The following ABL2 variants were observed in gnomAD, a reference collection of about 807,000 sequenced individuals.
ABL2 encodes the protein ABL proto-oncogene 2, non-receptor tyrosine kinase, also known as tyrosine-protein kinase ABL2.
Under a neutral mutation model 107.7 loss-of-function variants are expected in ABL2, and 49 were observed. That is an observed-to-expected ratio of 0.45 (90% confidence interval 0.36 to 0.58). The LOEUF is 0.58. Among genes scored for constraint, ABL2 ranks in the 20% least tolerant of loss-of-function variants. The pLI is 0.00. For missense variants in ABL2, 1,245 were observed against 1,457.0 expected, an observed-to-expected ratio of 0.85 and a Z score of 2.37; for synonymous variants, 549 against 548.6, an observed-to-expected ratio of 1.00 and a Z score of -0.01.
At chr1:179,144,453 C>T (rs892731506) in intron 1 of ABL2, among the ~76,000 whole-genome samples, 1 of 151,930 alleles carries the variant, frequency 6.6e-6, no homozygotes, top group African/African-American at 2.4e-5. Context: ...GAGCGAGACT[C>T]CATCTCAAAA....
intron 5 of ABL2, 48 bp downstream of exon 5, chr1:179,121,547 A>G: frequency 6.3e-7 from 1 of 1,582,964 alleles, no homozygotes; most frequent in Non-Finnish European, 8.6e-7. Flanking sequence ...CAAGTGATTG[A>G]GCACAAAAGA....
At chr1:179,215,472 G>A (rs1002174611) in intron 1 of ABL2, among the ~76,000 whole-genome samples, 1 of 152,036 alleles carries the variant, frequency 6.6e-6, no homozygotes, top group African/African-American at 2.4e-5. Context: ...TGTGGCTCAC[G>A]CCTGTAATCC....
chr1:179,155,365 C>T (rs1658619917), intron 1 of ABL2, among the ~76,000 whole-genome samples: 1 of 152,224 alleles, frequency 6.6e-6, no homozygotes, highest in Admixed American at 6.5e-5. Flanking sequence ...CTGCCATTTA[C>T]TCCCAGCAAC....
chr1:179,117,178 T>TG (rs1654727319), intron 8 of ABL2, 154 bp downstream of exon 8: 24 of 767,018 alleles, frequency 3.1e-5, no homozygotes, highest in Non-Finnish European at 4.8e-5. Context: ...TCCTGGCAGA[T>TG]AGGAGGTATT....
intron 2 of ABL2, among the ~76,000 whole-genome samples, chr1:179,132,751 A>G (rs1656465417): frequency 6.6e-6 from 1 of 151,824 alleles, no homozygotes; most frequent in African/African-American, 2.4e-5. Flanking sequence ...CATGTTGGCC[A>G]GGTTGGTCTT....
chr1:179,213,234 G>C (rs1190495349), intron 1 of ABL2, among the ~76,000 whole-genome samples: 2 of 151,576 alleles, frequency 1.3e-5, no homozygotes, highest in African/African-American at 2.4e-5. Flanking sequence ...TTTCCATACT[G>C]AGTTTTGAAA....
chr1:179,145,660 T>G (rs1657933871), intron 1 of ABL2, among the ~76,000 whole-genome samples: 1 of 152,166 alleles, frequency 6.6e-6, no homozygotes. Context: ...GGGGGCATTC[T>G]GAGTAGACAA....
intron 1 of ABL2, among the ~76,000 whole-genome samples, chr1:179,174,955 C>T (rs996566431): frequency 2.0e-5 from 3 of 148,164 alleles, no homozygotes; most frequent in Non-Finnish European, 4.5e-5. Context: ...TCTATTGGTT[C>T]TAAGCAAAAA....
intron 1 of ABL2, among the ~76,000 whole-genome samples, chr1:179,208,155 T>C (rs1304805435): frequency 1.3e-5 from 2 of 152,168 alleles, no homozygotes; most frequent in Non-Finnish European, 1.5e-5. Flanking sequence ...GTTATATATA[T>C]ATTTTTTCAA....
chr1:179,118,800 G>A (rs1654902107), intron 6 of ABL2, 36 bp from the exon 7 acceptor site: 2 of 1,601,664 alleles, frequency 1.2e-6, no homozygotes, highest in African/African-American at 1.3e-5. Context: ...TTTTATTAGT[G>A]TACATTCAAA....
intron 1 of ABL2, among the ~76,000 whole-genome samples, chr1:179,203,149 C>T (rs906754985): frequency 1.3e-5 from 2 of 152,110 alleles, no homozygotes; most frequent in Admixed American, 6.5e-5. Flanking sequence ...AAGAACAAAT[C>T]ATTTTTTTCA....
chr1:179,140,791 T>C (rs1443601815), intron 1 of ABL2, among the ~76,000 whole-genome samples: 1 of 152,194 alleles, frequency 6.6e-6, no homozygotes, highest in Non-Finnish European at 1.5e-5. Context: ...CTCAGCACTT[T>C]GAGAAGCCAA....
In ABL2 at chr1:179,140,805, G is replaced by A. The variant is rs144736610; in HGVS notation, c.158-7431C>T. Among the ~76,000 whole-genome samples, 845 of 152,270 alleles carry A rather than the reference G, an allele frequency of 5.5e-3. 9 individuals carry two copies. The highest frequency in any genetic ancestry group is 0.019 in the African/African-American group (793 of 41,562). ...TCTCAGCACTTTGAGAAGCCAAGGC[G>A]GGAGGATCACTTGAGGCCAGGAGTT... On this transcript the variant is annotated intron_variant, in intron 1 of 11. Coordinates refer to ENST00000502732, the MANE Select transcript of ABL2 (RefSeq NM_007314.4).
intron 1 of ABL2, 74 bp downstream of exon 1, chr1:179,229,167 T>TGCCCCCCCCCCCCCCCCCCCC: frequency 9.9e-6 from 4 of 402,570 alleles, no homozygotes; most frequent in East Asian, 6.5e-5. Context: ...GGGCAGCCCG[T>TGCCCCCCCCCCCCCCCCCCCC]CCGCCACCCA....
chr1:179,167,783 C>T (rs1204556227), intron 1 of ABL2, among the ~76,000 whole-genome samples: 1 of 152,184 alleles, frequency 6.6e-6, no homozygotes, highest in African/African-American at 2.4e-5. Flanking sequence ...AGTTCAAGAC[C>T]AGCCTGGCCA....
intron 1 of ABL2, among the ~76,000 whole-genome samples, chr1:179,205,027 T>TCC (rs1448981015): frequency 1.7e-5 from 2 of 116,364 alleles, no homozygotes; most frequent in Admixed American, 9.4e-5. Flanking sequence ...ACAACTCTTT[T>TCC]TCTTTTTTTT....
At chr1:179,215,173 A>T (rs1488993588) in intron 1 of ABL2, among the ~76,000 whole-genome samples, 1 of 151,884 alleles carries the variant, frequency 6.6e-6, no homozygotes, top group African/African-American at 2.4e-5. Context: ...AAAAAAAAAA[A>T]TTGGGGAGAA....
chr1:179,201,668 T>G, intron 1 of ABL2: 1 of 555,536 alleles, frequency 1.8e-6, no homozygotes, highest in South Asian at 1.7e-5. Context: ...TGTCCTCTTG[T>G]GCACATGCTG....
chr1:179,228,050 C>CAA lies in ABL2; in HGVS notation c.157+1189_157+1190dup, dbSNP rs34070201. On this transcript the variant is annotated intron_variant, in intron 1 of 11. Coordinates refer to ENST00000502732, the MANE Select transcript of ABL2 (RefSeq NM_007314.4). The stretch of plus-strand genomic sequence containing the variant: ...GGGCGACAGAATGAGACTCCGTCTC[C>CAA]AAAAAAAAAAAAAAAAAAAAAAGAG... 7.2e-3 allele frequency among the ~76,000 whole-genome samples: 455 copies of CAA among 63,082 alleles called. 3 individuals carry two copies. Among genetic ancestry groups the CAA allele is most frequent in the Middle Eastern group, 0.026 (2 of 78 alleles). 41.4% of individuals were successfully genotyped at this position (63,082 alleles called of 152,430 possible).
Sources: gnomAD v4.1 joint callset for allele counts (sites outside exome capture counted in the v4.1 genomes callset) on GRCh38, gnomAD v4.1.1 for gene constraint, MANE v1.5 for transcripts, NCBI Gene and HGNC (gene_info 2026-07-23, HGNC 2026-07-21) for gene names.